Variants in TLR3 observed in about 807,000 individuals in gnomAD.
TLR3 encodes the protein toll-like receptor 3.
In TLR3, 43 loss-of-function variants were observed where a neutral mutation model predicts 66.4. The ratio of observed to expected loss-of-function variants is 0.65; its 90% CI spans 0.51 to 0.83. TLR3 has a LOEUF of 0.83. TLR3 is among the 40% of genes least tolerant of loss of function. The pLI is 0.00. For synonymous variants in TLR3, 397 were observed against 397.2 expected (o/e 1.00, Z 0.01); for missense variants, 982 against 1,044.6 (o/e 0.94, Z 0.83).
At chr4:186,077,190 T>C (rs2099302585) in intron 2 of TLR3, 130 bp downstream of exon 2, 2 of 964,392 alleles carry the variant, frequency 2.1e-6, no homozygotes, top group Non-Finnish European at 3.1e-6. Context: ...AATATTGCCA[T>C]TATAATAGAA....
In TLR3 at chr4:186,082,853, C is replaced by A. The variant is rs757948758; in HGVS notation, c.1167C>A (p.Ser389=). 6.2e-7 allele frequency: 1 copy of A among 1,613,678 alleles called. No individual in the cohort carries two copies. The highest frequency in any genetic ancestry group is 1.1e-5 in the South Asian group (1 of 91,048). The change falls in exon 4 of 5, where the codon TCC becomes TCA. Residue 389 remains serine (S), a synonymous_variant. Coordinates refer to ENST00000296795, the MANE Select transcript of TLR3 (RefSeq NM_003265.3). ...TGAAATACTTAAGTCTATCCAACTC[C>A]TTTACAAGTTTGCGAACTTTGACAA... ...INLKYLSLSN[S]FTSLRTLTNE...
rs1160518803 is a variant in TLR3 at position 186,087,940 on chromosome 4, G to C, written c.*3067G>C. 2 of 152,090 alleles carry C rather than the reference G, an allele frequency of 1.3e-5. No homozygotes were observed. The highest frequency in any genetic ancestry group is 2.9e-5 in the Non-Finnish European group (2 of 68,032). 9.4% of individuals were successfully genotyped at this position (152,090 alleles called of 1,614,324 possible). On this transcript the variant is annotated 3_prime_UTR_variant, in exon 5 of 5. Coordinates refer to ENST00000296795, the MANE Select transcript of TLR3 (RefSeq NM_003265.3). Reference sequence around the variant, plus strand: ...GGGTGATGAAAGTGCTCTATAATTGGGTTATGGTAATAATTGTACAACTAT... The same window carrying C: ...GGGTGATGAAAGTGCTCTATAATTGCGTTATGGTAATAATTGTACAACTAT...
Position 186,083,081 on chromosome 4 carries a change from C to G in TLR3, c.1395C>G (p.Tyr465Ter). 1 of 1,614,178 alleles carries G rather than the reference C, an allele frequency of 6.2e-7. No individual in the cohort carries two copies. Among genetic ancestry groups the G allele is most frequent in the Non-Finnish European group, 8.5e-7 (1 of 1,180,022 alleles). ...ATATTTTCGAAATCTATCTTTCCTA[C>G]AACAAGTACCTGCAGCTGACTAGGA... ...LENIFEIYLSYNKYLQLTRNS... is the reference protein window; with the variant it reads ...LENIFEIYLS The change falls in exon 4 of 5, where the codon TAC becomes TAG. Residue 465 changes from tyrosine (Y) to a stop codon, truncating the protein, a stop_gained. Coordinates refer to ENST00000296795, the MANE Select transcript of TLR3 (RefSeq NM_003265.3). LOFTEE classifies it high-confidence loss of function. The surrounding 1 kb of genome is among the most constrained non-coding windows in gnomAD (Gnocchi z 4.0).
At chr4:186,077,090 GTT>G in intron 2 of TLR3, 30 bp downstream of exon 2, 2 of 1,598,578 alleles carry the variant, frequency 1.3e-6, no homozygotes, top group Non-Finnish European at 1.7e-6. Context: ...TGTTACTAAT[GTT>G]TTTAAGTCAG....
At position 186,083,836 on chromosome 4, in the gene TLR3, T is replaced by C. The variant is rs746985622; in HGVS notation, c.2150T>C (p.Ile717Thr). The C allele has an allele frequency of 6.2e-7, 1 of 1,614,118 alleles. No homozygotes were observed. Among genetic ancestry groups the C allele is most frequent in the Non-Finnish European group, 8.5e-7 (1 of 1,180,026 alleles). Residue 717 changes from isoleucine to threonine, a missense_variant, in exon 4 of 5, where the codon ATC (isoleucine) becomes ACC (threonine). Physicochemically the swap from Ile to Thr is moderately conservative, Grantham distance 89. Coordinates refer to ENST00000296795, the MANE Select transcript of TLR3 (RefSeq NM_003265.3). The surrounding 1 kb of genome is among the most constrained non-coding windows in gnomAD (Gnocchi z 4.0). ...AATACCAGTATCCTGTTGATTTTTA[T>C]CTTTATTGTACTTCTCATCCACTTT... ...MINTSILLIF[I>T]FIVLLIHFEG...
intron 3 of TLR3, among the ~76,000 whole-genome samples, chr4:186,080,712 C>A (rs1186689743): frequency 1.3e-5 from 2 of 152,166 alleles, no homozygotes; most frequent in Non-Finnish European, 2.9e-5. Flanking sequence ...CTGTCTCAGC[C>A]TCCCGAGTAG....
At chr4:186,078,462 G>C (rs1266448839) in intron 2 of TLR3, among the ~76,000 whole-genome samples, 1 of 152,092 alleles carries the variant, frequency 6.6e-6, no homozygotes, top group Non-Finnish European at 1.5e-5. Flanking sequence ...GCATGACACT[G>C]TGTGTTTGAT....
In TLR3 at chr4:186,083,892, G is replaced by C; in HGVS notation, c.2206G>C (p.Val736Leu). 6.2e-7 allele frequency: 1 copy of C among 1,614,148 alleles called. No individual in the cohort carries two copies. The highest frequency in any genetic ancestry group is 8.5e-7 in the Non-Finnish European group (1 of 1,180,024). The change falls in exon 4 of 5, where the codon GTT (valine) becomes CTT (leucine). Residue 736 changes from valine (V) to leucine (L), a missense_variant. By Grantham distance (32) the Val-to-Leu change is conservative (BLOSUM62 1). Coordinates refer to ENST00000296795, the MANE Select transcript of TLR3 (RefSeq NM_003265.3). The surrounding 1 kb of genome is among the most constrained non-coding windows in gnomAD (Gnocchi z 4.0). ...EGWRISFYWN[V>L]SVHRVLGFKE... Reference sequence around the variant, plus strand: ...CTGGAGGATATCTTTTTATTGGAATGTTTCAGTACATCGAGTTCTTGGTTT... The same window carrying C: ...CTGGAGGATATCTTTTTATTGGAATCTTTCAGTACATCGAGTTCTTGGTTT...
intron 3 of TLR3, chr4:186,082,035 G>A: frequency 2.5e-6 from 1 of 406,020 alleles, no homozygotes; most frequent in East Asian, 5.6e-5. Flanking sequence ...GACCAGCCTG[G>A]CCTACACGGT....
In TLR3 at chr4:186,082,410, T is replaced by C; in HGVS notation, c.724T>C (p.Cys242Arg). The C allele has an allele frequency of 6.2e-7, 1 of 1,614,118 alleles. No individual in the cohort carries two copies. Among genetic ancestry groups the C allele is most frequent in the Non-Finnish European group, 8.5e-7 (1 of 1,180,024 alleles). The change falls in exon 4 of 5, where the codon TGT becomes CGT. Residue 242 changes from cysteine to arginine, a missense_variant. Physicochemically the swap from Cys to Arg is radical, Grantham distance 180. Coordinates refer to ENST00000296795, the MANE Select transcript of TLR3 (RefSeq NM_003265.3). ...GGGTCCCAGCCTTACAGAGAAGCTA[T>C]GTTTGGAATTAGCAAACACAAGCAT... ...QLGPSLTEKLCLELANTSIRN... is the reference protein window; with the variant it reads ...QLGPSLTEKLRLELANTSIRN...
intron 3 of TLR3, among the ~76,000 whole-genome samples, chr4:186,080,226 T>G (rs2099303200): frequency 6.6e-6 from 1 of 152,200 alleles, no homozygotes; most frequent in Admixed American, 6.5e-5. Context: ...GCGTACAAAT[T>G]TATCCTAAGA....
chr4:186,079,018 A>C lies in TLR3; in HGVS notation c.620A>C (p.Asn207Thr). ...TTAAAAAAATTAGAGTTGTCATCGA[A>C]TCAAATTAAAGAGGTAAGAAGTAAG... ...SSLKKLELSS[N>T]QIKEFSPGCF... is the part of the protein sequence containing the mutation. The change falls in exon 3 of 5, where the codon AAT becomes ACT. Residue 207 changes from asparagine (N) to threonine (T), a missense_variant. Asn to Thr is a moderately conservative substitution (Grantham distance 65, BLOSUM62 0). Coordinates refer to ENST00000296795, the MANE Select transcript of TLR3 (RefSeq NM_003265.3). 1 of 1,613,512 alleles carries C rather than the reference A, an allele frequency of 6.2e-7. No individual in the cohort carries two copies. The highest frequency in any genetic ancestry group is 1.1e-5 in the South Asian group (1 of 91,010).
chr4:186,082,704 C>T lies in TLR3; in HGVS notation c.1018C>T (p.Leu340Phe), dbSNP rs1230955427. ...GTCTTTTACTAAACAAAGTATTTCC[C>T]TTGCCTCACTCCCCAAGATTGATGA... ...KRSFTKQSIS[L>F]ASLPKIDDFS... Residue 340 changes from leucine (L) to phenylalanine (F), a missense_variant, in exon 4 of 5, where the codon CTT (leucine) becomes TTT (phenylalanine). By Grantham distance (22) the Leu-to-Phe change is conservative (BLOSUM62 0). Coordinates refer to ENST00000296795, the MANE Select transcript of TLR3 (RefSeq NM_003265.3). 3 of 1,614,024 alleles carry T rather than the reference C, an allele frequency of 1.9e-6. No homozygotes were observed. Among genetic ancestry groups the T allele is most frequent in the Non-Finnish European group, 2.5e-6 (3 of 1,179,942 alleles).
Position 186,076,483 on chromosome 4 carries a change from A to G in TLR3, c.-7-130A>G, listed in dbSNP as rs138276221. The stretch of plus-strand genomic sequence containing the variant: ...CTTGTATAATATGTACTTGTATGGC[A>G]TAAAACTATGAGTAATAACATCATA... On this transcript the variant is annotated intron_variant, in intron 1 of 4. Transcript: ENST00000296795. 2.4e-3 allele frequency: 2,173 copies of G among 898,870 alleles called. 41 individuals carry two copies. In the African/African-American group the frequency reaches 0.032, roughly 13 times the overall value. 55.7% of individuals were successfully genotyped at this position (898,870 alleles called of 1,614,324 possible).
intron 1 of TLR3, among the ~76,000 whole-genome samples, chr4:186,072,059 G>A (rs182838504): frequency 2.0e-5 from 3 of 152,302 alleles, no homozygotes; most frequent in Admixed American, 2.0e-4. Context: ...AAATGCCCAT[G>A]GAAAGCTATT....
intron 3 of TLR3, among the ~76,000 whole-genome samples, chr4:186,081,278 A>G (rs1369549169): frequency 6.6e-6 from 1 of 151,746 alleles, no homozygotes. Flanking sequence ...CAAAAAAAAA[A>G]AAAAAGAAAA....
rs530502730 is a variant in TLR3 at position 186,085,380 on chromosome 4, T to C, written c.*507T>C. ...ATTTTAGTAAGTACTTGTCTCAGTG[T>C]TGACTTTGTTAAATGTTAAATATTT... On this transcript the variant is annotated 3_prime_UTR_variant, in exon 5 of 5. Transcript: ENST00000296795. 6.5e-6 allele frequency: 1 copy of C among 153,930 alleles called. No homozygotes were observed. Among genetic ancestry groups the C allele is most frequent in the Non-Finnish European group, 1.4e-5 (1 of 69,150 alleles). 9.5% of individuals were successfully genotyped at this position (153,930 alleles called of 1,614,324 possible).
intron 2 of TLR3, among the ~76,000 whole-genome samples, chr4:186,077,538 T>C (rs1467308716): frequency 6.6e-6 from 1 of 152,232 alleles, no homozygotes; most frequent in Non-Finnish European, 1.5e-5. Flanking sequence ...TTTTCAATAG[T>C]GGTGTCACTT....
intron 3 of TLR3, among the ~76,000 whole-genome samples, chr4:186,080,230 C>T (rs114282785): frequency 0.015 from 2,204 of 151,582 alleles, 27 homozygotes; most frequent in Non-Finnish European, 0.024. Context: ...ACAAATTTAT[C>T]CTAAGATATT....
Sources: allele counts gnomAD v4.1 joint callset (sites outside exome capture counted in the v4.1 genomes callset), GRCh38; gene constraint gnomAD v4.1.1; non-coding constraint Gnocchi (gnomAD v3.1); transcripts MANE v1.5; gene names NCBI Gene and HGNC (gene_info 2026-07-23, HGNC 2026-07-21).